Variants in CNTN4 observed in about 807,000 individuals in gnomAD.
The protein encoded by CNTN4 is contactin-4.
In CNTN4, 77 loss-of-function variants were observed where a neutral mutation model predicts 122.5. The ratio of observed to expected loss-of-function variants is 0.63; its 90% confidence interval spans 0.52 to 0.76. The LOEUF (loss-of-function observed/expected upper bound fraction) is 0.76, where lower values mean the gene tolerates loss of function less well. Ranked by LOEUF, CNTN4 falls within the 30% of genes least tolerant of loss-of-function variation. The probability of loss-of-function intolerance (pLI) is 0.00; values close to 1 mark genes in which losing one functional copy is unlikely to be tolerated. For synonymous variants in CNTN4, 512 were observed against 447.0 expected, an observed-to-expected ratio of 1.15 and a Z score of -1.83; for missense variants, 1,256 against 1,259.1, an observed-to-expected ratio of 1.00 and a Z score of 0.04.
intron 3 of CNTN4, among the ~76,000 whole-genome samples, chr3:2,551,187 G>A (rs766756177): frequency 5.2e-4 from 79 of 152,058 alleles, no homozygotes; most frequent in Admixed American, 7.2e-4. Flanking sequence ...GTACAGGTTT[G>A]CATTAATTCC....
At chr3:3,034,367 A>G (rs981354385) in intron 16 of CNTN4, among the ~76,000 whole-genome samples, 3 of 152,184 alleles carry the variant, frequency 2.0e-5, no homozygotes, top group African/African-American at 7.2e-5. Flanking sequence ...TTAAGTATTC[A>G]GTTGTAATTA....
At chr3:2,734,073 G>A (rs887907913) in intron 4 of CNTN4, among the ~76,000 whole-genome samples, 7 of 152,072 alleles carry the variant, frequency 4.6e-5, no homozygotes, top group Admixed American at 3.3e-4. Context: ...GTTTTGTTTT[G>A]TTTTGAGATA....
At chr3:2,308,111 C>T (rs1028159989) in intron 2 of CNTN4, among the ~76,000 whole-genome samples, 1 of 151,950 alleles carries the variant, frequency 6.6e-6, no homozygotes, top group Non-Finnish European at 1.5e-5. Context: ...TCTGTTTCTT[C>T]TTGAATAAAT....
intron 24 of CNTN4, among the ~76,000 whole-genome samples, chr3:3,055,123 A>C (rs912242187): frequency 6.6e-6 from 1 of 152,134 alleles, no homozygotes; most frequent in African/African-American, 2.4e-5. Flanking sequence ...ACAAACACAA[A>C]AGGCATTTTT....
intron 14 of CNTN4, among the ~76,000 whole-genome samples, chr3:2,991,395 C>G (rs1401412841): frequency 6.6e-6 from 1 of 152,090 alleles, no homozygotes; most frequent in Non-Finnish European, 1.5e-5. Context: ...GCTCCTGGTT[C>G]TGAGCTGCAG....
At chr3:2,645,420 T>G (rs971542307) in intron 4 of CNTN4, among the ~76,000 whole-genome samples, 4 of 152,200 alleles carry the variant, frequency 2.6e-5, no homozygotes, top group African/African-American at 9.6e-5. Context: ...AGGTGGTTAT[T>G]TAAGACAATC....
chr3:2,562,911 A>G (rs1036428685), intron 3 of CNTN4, among the ~76,000 whole-genome samples: 32 of 151,654 alleles, frequency 2.1e-4, no homozygotes, highest in Admixed American at 1.1e-3. Flanking sequence ...TTTTTTTTGT[A>G]GAGATGGTAT....
intron 4 of CNTN4, among the ~76,000 whole-genome samples, chr3:2,668,972 G>A (rs2150357006): frequency 6.6e-6 from 1 of 152,284 alleles, no homozygotes; most frequent in African/African-American, 2.4e-5. Flanking sequence ...GCTTTTTGAT[G>A]TGCTGCTGGA....
chr3:2,642,140 A>G (rs909903881), intron 4 of CNTN4, among the ~76,000 whole-genome samples: 3 of 152,224 alleles, frequency 2.0e-5, no homozygotes, highest in African/African-American at 7.2e-5. Flanking sequence ...CCAAAACCTC[A>G]AAAGTAGGGA....
At chr3:2,771,324 G>A (rs185804057) in intron 6 of CNTN4, among the ~76,000 whole-genome samples, 13 of 152,324 alleles carry the variant, frequency 8.5e-5, no homozygotes, top group Non-Finnish European at 1.5e-4. Context: ...CTCTCTCTAT[G>A]TGAAGCCAGT....
At chr3:2,446,656 C>G (rs1404829030) in intron 3 of CNTN4, among the ~76,000 whole-genome samples, 12 of 152,160 alleles carry the variant, frequency 7.9e-5, no homozygotes, top group Admixed American at 7.9e-4. Context: ...AAAACACCTC[C>G]TGCTATAAAT....
Position 2,185,286 on chromosome 3 carries a change from C to T in CNTN4, c.-145+84647C>T, listed in dbSNP as rs142175784. ...AGAAATGGGGACACATTGCTCACCA[C>T]GGTCTCTCTCTTCCTCTGACCTTTG... On this transcript the variant is annotated intron_variant, in intron 2 of 24. Coordinates refer to ENST00000418658, the MANE Select transcript of CNTN4 (RefSeq NM_175607.3). Among the ~76,000 whole-genome samples, 59 of 152,282 alleles carry T rather than the reference C, an allele frequency of 3.9e-4. No individual in the cohort carries two copies. The East Asian group carries it at 4.2e-3, about 11-fold the overall frequency.
chr3:2,926,269 CAG>C (rs1239478965), intron 13 of CNTN4, among the ~76,000 whole-genome samples: 1 of 152,092 alleles, frequency 6.6e-6, no homozygotes, highest in African/African-American at 2.4e-5. Flanking sequence ...CTTCAAACAG[CAG>C]AGTGTTATGC....
chr3:2,655,451 A>G (rs546293777), intron 4 of CNTN4, among the ~76,000 whole-genome samples: 1 of 152,122 alleles, frequency 6.6e-6, no homozygotes, highest in Admixed American at 6.6e-5. Flanking sequence ...TGTTCTCATA[A>G]AAGTTGAATT....
At chr3:2,605,528 A>G (rs2149781980) in intron 4 of CNTN4, among the ~76,000 whole-genome samples, 1 of 152,176 alleles carries the variant, frequency 6.6e-6, no homozygotes, top group Non-Finnish European at 1.5e-5. Context: ...TGTGGAGAAT[A>G]ATCTATAGGG....
At position 2,675,484 on chromosome 3, in the gene CNTN4, A is replaced by T. The variant is rs555462343; in HGVS notation, c.56-60731A>T. ...AAACTTACCCAATTTCCCTATTTTG[A>T]TAGCGCTTATCACTATCTACAATTA... On this transcript the variant is annotated intron_variant, in intron 4 of 24. Transcript: ENST00000418658. Among the ~76,000 whole-genome samples the T allele has an allele frequency of 2.0e-5, 3 of 152,300 alleles. No homozygotes were observed. The East Asian group carries it at 5.8e-4, about 29-fold the overall frequency.
chr3:2,395,458 C>CT (rs1341661178), intron 3 of CNTN4, among the ~76,000 whole-genome samples: 2 of 152,060 alleles, frequency 1.3e-5, no homozygotes, highest in Admixed American at 6.6e-5. Flanking sequence ...TAAATTTCAA[C>CT]TTTTAGGATC....
At chr3:2,450,249 C>A (rs1456862954) in intron 3 of CNTN4, among the ~76,000 whole-genome samples, 2 of 151,962 alleles carry the variant, frequency 1.3e-5, no homozygotes, top group Non-Finnish European at 2.9e-5. Context: ...TACCTGTAGT[C>A]CCAGCTACTT....
At chr3:2,641,571 A>T (rs969725293) in intron 4 of CNTN4, among the ~76,000 whole-genome samples, 1 of 152,122 alleles carries the variant, frequency 6.6e-6, no homozygotes, top group Non-Finnish European at 1.5e-5. Context: ...CTTATTGTCA[A>T]CTGCTTCACA....
Sources: allele counts gnomAD v4.1 joint callset (sites outside exome capture counted in the v4.1 genomes callset), GRCh38; gene constraint gnomAD v4.1.1; transcripts MANE v1.5; gene names NCBI Gene and HGNC (gene_info 2026-07-23, HGNC 2026-07-21).